SHQ1: variants seen among roughly 807,000 people sequenced by gnomAD.
The protein encoded by SHQ1 is protein SHQ1 homolog.
In SHQ1, 49 loss-of-function variants were observed where a neutral mutation model predicts 53.8. That is an observed-to-expected ratio of 0.91 (90% confidence interval 0.72 to 1.16). The LOEUF (loss-of-function observed/expected upper bound fraction) is 1.16, where lower values mean the gene tolerates loss of function less well. Among genes scored for constraint, SHQ1 ranks in the 50% most tolerant of loss-of-function variants. The pLI is 0.00. For missense variants in SHQ1, 738 were observed against 683.1 expected, an observed-to-expected ratio of 1.08 and a Z score of -0.90; for synonymous variants, 243 against 251.0, an observed-to-expected ratio of 0.97 and a Z score of 0.30.
chr3:72,733,798 A>G, the SHQ1 span, among the ~76,000 whole-genome samples: 1 of 151,614 alleles, frequency 6.6e-6, no homozygotes, highest in African/African-American at 2.4e-5. Flanking sequence ...TCCCTTTAAA[A>G]TAAAATGTAA....
intron 4 of SHQ1, among the ~76,000 whole-genome samples, chr3:72,839,460 G>T (rs1455118162): frequency 1.3e-5 from 2 of 152,208 alleles, no homozygotes; most frequent in Non-Finnish European, 2.9e-5. Context: ...TTCCCTTTAA[G>T]GAATTTTGAG....
intron 10 of SHQ1, among the ~76,000 whole-genome samples, chr3:72,761,621 T>C (rs1479613987): frequency 6.6e-6 from 1 of 152,234 alleles, no homozygotes; most frequent in Non-Finnish European, 1.5e-5. Context: ...TTGCACTTCC[T>C]GTGCAGTAAC....
the SHQ1 span, among the ~76,000 whole-genome samples, chr3:72,740,508 T>C: frequency 6.6e-6 from 1 of 152,188 alleles, no homozygotes; most frequent in African/African-American, 2.4e-5. Flanking sequence ...GACTTTACAG[T>C]TCATAAACTA....
intron 10 of SHQ1, among the ~76,000 whole-genome samples, chr3:72,757,801 C>T (rs1224365518): frequency 6.6e-6 from 1 of 152,012 alleles, no homozygotes; most frequent in Non-Finnish European, 1.5e-5. Flanking sequence ...TAGAGGGGAA[C>T]AACACACACC....
At chr3:72,773,103 A>C in intron 10 of SHQ1, 1 of 782,820 alleles carries the variant, frequency 1.3e-6, no homozygotes, top group Non-Finnish European at 2.3e-6. Context: ...AACAGGCCAA[A>C]CTTCGTGAAA....
At chr3:72,757,782 A>G (rs1208523551) in intron 10 of SHQ1, among the ~76,000 whole-genome samples, 1 of 152,162 alleles carries the variant, frequency 6.6e-6, no homozygotes, top group Non-Finnish European at 1.5e-5. Context: ...ATAAGAACAC[A>G]TGGACACATA....
chr3:72,761,344 A>T (rs564892062), intron 10 of SHQ1, among the ~76,000 whole-genome samples: 20 of 151,970 alleles, frequency 1.3e-4, no homozygotes, highest in Admixed American at 1.3e-3. Flanking sequence ...GCTAATTTAT[A>T]AATTTTTTGT....
chr3:72,840,560 CA>C (rs572046519), intron 4 of SHQ1, among the ~76,000 whole-genome samples: 40,280 of 97,184 alleles, frequency 0.41, 6,527 homozygotes, highest in African/African-American at 0.58. Context: ...GACTCCGTCT[CA>C]AAAAAAAAAA....
intron 8 of SHQ1, chr3:72,814,519 T>C (rs1014585953): frequency 2.6e-5 from 4 of 152,208 alleles, no homozygotes; most frequent in African/African-American, 9.6e-5. Context: ...TAAGATTCTA[T>C]ATGAAGTAAG....
intron 10 of SHQ1, among the ~76,000 whole-genome samples, chr3:72,791,364 G>A (rs750364827): frequency 6.6e-6 from 1 of 152,106 alleles, no homozygotes; most frequent in Non-Finnish European, 1.5e-5. Flanking sequence ...TTTTCCATCT[G>A]GCGAAATCTA....
downstream of SHQ1, among the ~76,000 whole-genome samples, chr3:72,746,461 T>C (rs920347983): frequency 2.0e-5 from 3 of 152,156 alleles, no homozygotes; most frequent in Non-Finnish European, 4.4e-5. Flanking sequence ...GCTAGTGTAG[T>C]ATAGTGTTCT....
chr3:72,750,110 T>C lies in SHQ1; in HGVS notation c.*174A>G. On this transcript the variant is annotated 3_prime_UTR_variant, in exon 11 of 11. Coordinates refer to ENST00000325599, the MANE Select transcript of SHQ1 (RefSeq NM_018130.3). ...GTACATGTTTGGTACAGATGCGATT[T>C]TTTCTTCAATATTTTTGATCTGCAG... 1.6e-6 allele frequency: 1 copy of C among 611,584 alleles called. No individual in the cohort carries two copies. The highest frequency in any genetic ancestry group is 2.8e-6 in the Non-Finnish European group (1 of 353,520). The allele number at this position is 611,584 out of a possible 1,614,324, so 37.9% of individuals were successfully genotyped here.
At chr3:72,746,408 A>G (rs952649616), downstream of SHQ1, among the ~76,000 whole-genome samples, 12 of 152,234 alleles carry the variant, frequency 7.9e-5, no homozygotes, top group African/African-American at 2.7e-4. Context: ...GTTTAAAAAA[A>G]TAAATGAAAG....
chr3:72,766,739 G>C (rs915815118), intron 10 of SHQ1, among the ~76,000 whole-genome samples: 1 of 152,084 alleles, frequency 6.6e-6, no homozygotes, highest in Non-Finnish European at 1.5e-5. Flanking sequence ...GAAGGGAGGG[G>C]GGAACTGAAA....
At chr3:72,816,839 ACTT>A (rs886587559) in intron 7 of SHQ1, among the ~76,000 whole-genome samples, 1 of 152,196 alleles carries the variant, frequency 6.6e-6, no homozygotes, top group Non-Finnish European at 1.5e-5. Flanking sequence ...GCATCTGCTG[ACTT>A]CTGGCTGAGA....
At chr3:72,739,131 C>G in the SHQ1 span, among the ~76,000 whole-genome samples, 3 of 152,258 alleles carry the variant, frequency 2.0e-5, no homozygotes, top group Non-Finnish European at 2.9e-5. Context: ...GCCTGCTTCG[C>G]AGTTGGCTTT....
At chr3:72,729,384 G>A in the SHQ1 span, among the ~76,000 whole-genome samples, 2 of 152,144 alleles carry the variant, frequency 1.3e-5, no homozygotes, top group African/African-American at 4.8e-5. Flanking sequence ...TGGAGCCTGG[G>A]GCCGCTGCTC....
chr3:72,785,211 T>A (rs1359310960), intron 10 of SHQ1, among the ~76,000 whole-genome samples: 1 of 152,208 alleles, frequency 6.6e-6, no homozygotes, highest in Non-Finnish European at 1.5e-5. Flanking sequence ...GCCGAATGCC[T>A]CACTTTCTCA....
At chr3:72,765,530 C>CATAAATATATATATATATATAT (rs1705702242) in intron 10 of SHQ1, among the ~76,000 whole-genome samples, 1 of 83,538 alleles carries the variant, frequency 1.2e-5, no homozygotes, top group African/African-American at 6.2e-5. Context: ...ATTCACATGA[C>CATAAATATATATATATATATAT]ATATATATAT....
Sources: allele counts gnomAD v4.1 joint callset (sites outside exome capture counted in the v4.1 genomes callset), GRCh38; gene constraint gnomAD v4.1.1; transcripts MANE v1.5; gene names NCBI Gene and HGNC (gene_info 2026-07-23, HGNC 2026-07-21).